EPHA6: variants seen among roughly 807,000 people sequenced by gnomAD.
EPHA6 encodes ephrin type-A receptor 6.
In EPHA6, 50 loss-of-function variants were observed where a neutral mutation model predicts 112.0. The ratio of observed to expected loss-of-function variants is 0.45; its 90% CI spans 0.36 to 0.56. The LOEUF is 0.56. Among genes scored for constraint, EPHA6 ranks in the 20% least tolerant of loss-of-function variants. The pLI, the probability that EPHA6 is intolerant of heterozygous loss-of-function variation, is 0.00. For missense variants in EPHA6, 1,280 were observed against 1,417.4 expected (o/e 0.90, Z 1.56); for synonymous variants, 529 against 490.7 (o/e 1.08, Z -1.03).
chr3:97,492,084 G>A (rs1560065488), intron 10 of EPHA6, among the ~76,000 whole-genome samples: 1 of 152,000 alleles, frequency 6.6e-6, no homozygotes, highest in East Asian at 1.9e-4. Context: ...TTTTTTTTAA[G>A]TGAATCATTA....
intron 3 of EPHA6, among the ~76,000 whole-genome samples, chr3:97,083,096 C>G (rs1004844965): frequency 6.6e-6 from 1 of 151,826 alleles, no homozygotes; most frequent in African/African-American, 2.4e-5. Flanking sequence ...GCTAATTTGC[C>G]GTAAGAATTA....
At chr3:97,291,585 G>C (rs970673665) in intron 5 of EPHA6, among the ~76,000 whole-genome samples, 3 of 152,074 alleles carry the variant, frequency 2.0e-5, no homozygotes, top group Non-Finnish European at 2.9e-5. Context: ...TATTTGAAAA[G>C]ATCTATCTTT....
intron 3 of EPHA6, among the ~76,000 whole-genome samples, chr3:97,148,788 A>C (rs192491052): frequency 1.3e-5 from 2 of 152,240 alleles, no homozygotes; most frequent in African/African-American, 4.8e-5. Context: ...TCACAGCAAA[A>C]TATGTTCTAG....
chr3:97,588,945 T>C (rs2093516929), intron 11 of EPHA6, among the ~76,000 whole-genome samples: 1 of 152,210 alleles, frequency 6.6e-6, no homozygotes, highest in Non-Finnish European at 1.5e-5. Context: ...TGCAAATGTT[T>C]AATGATCCTT....
At chr3:97,038,158 G>T (rs2045178771) in intron 3 of EPHA6, among the ~76,000 whole-genome samples, 1 of 151,868 alleles carries the variant, frequency 6.6e-6, no homozygotes, top group South Asian at 2.1e-4. Context: ...GTTATGCTAG[G>T]AACATTCAAA....
intron 1 of EPHA6, among the ~76,000 whole-genome samples, chr3:96,828,397 T>C (rs2033805525): frequency 6.6e-6 from 1 of 152,250 alleles, no homozygotes; most frequent in South Asian, 2.1e-4. Context: ...ACTACCTATG[T>C]GTCCACGATG....
chr3:97,686,046 C>G (rs761977965), intron 14 of EPHA6, among the ~76,000 whole-genome samples: 5 of 152,114 alleles, frequency 3.3e-5, no homozygotes, highest in African/African-American at 1.2e-4. Context: ...ATCTGTACAT[C>G]TTCTAGTTTA....
intron 3 of EPHA6, among the ~76,000 whole-genome samples, chr3:97,019,963 G>A (rs2044396312): frequency 6.6e-6 from 1 of 152,124 alleles, no homozygotes; most frequent in South Asian, 2.1e-4. Flanking sequence ...TAACTTTGAA[G>A]TTTTTTCCAC....
intron 5 of EPHA6, among the ~76,000 whole-genome samples, chr3:97,279,500 T>A (rs72924471): frequency 0.054 from 7,666 of 142,584 alleles, 612 homozygotes; most frequent in African/African-American, 0.17. Flanking sequence ...GAAATCTATT[T>A]AAAAAAAAAA....
intron 3 of EPHA6, among the ~76,000 whole-genome samples, chr3:97,047,237 A>G (rs1410527079): frequency 6.6e-6 from 1 of 152,124 alleles, no homozygotes; most frequent in Non-Finnish European, 1.5e-5. Flanking sequence ...ACAGTGGCTC[A>G]TGCCTGTAAT....
At chr3:97,217,247 A>G (rs1460171320) in intron 3 of EPHA6, among the ~76,000 whole-genome samples, 6 of 152,246 alleles carry the variant, frequency 3.9e-5, no homozygotes, top group Non-Finnish European at 7.4e-5. Flanking sequence ...CCAAAAGACA[A>G]CTCCAGAGAG....
Position 97,656,636 on chromosome 3 carries a change from T to G in EPHA6, c.2784+18554T>G, listed in dbSNP as rs567087788. Among the ~76,000 whole-genome samples the G allele has an allele frequency of 1.8e-3, 274 of 152,076 alleles. 3 individuals are homozygous for G. Among genetic ancestry groups the G allele is most frequent in the Non-Finnish European group, 2.9e-3 (194 of 67,910 alleles). ...ACCTGGCTATCCATTGATTGGTCTG[T>G]GCTAGCTACTTACTGATCAGGCTTA... On this transcript the variant is annotated intron_variant, in intron 14 of 17. Transcript: ENST00000389672.
chr3:97,170,021 T>C (rs1161939310), intron 3 of EPHA6, among the ~76,000 whole-genome samples: 1 of 151,958 alleles, frequency 6.6e-6, no homozygotes, highest in East Asian at 1.9e-4. Flanking sequence ...CATGTGGGGC[T>C]TACAACCTAG....
intron 12 of EPHA6, among the ~76,000 whole-genome samples, chr3:97,599,675 T>G (rs1207160563): frequency 6.6e-6 from 1 of 151,920 alleles, no homozygotes; most frequent in Non-Finnish European, 1.5e-5. Context: ...TGTAGCCTTG[T>G]AGTATAGTTT....
chr3:97,448,379 G>A (rs760332823), intron 6 of EPHA6, among the ~76,000 whole-genome samples, 189 bp from the exon 7 acceptor site: 2 of 152,062 alleles, frequency 1.3e-5, no homozygotes, highest in Non-Finnish European at 2.9e-5. Flanking sequence ...TTTCCAAATA[G>A]GACCATATCA....
chr3:97,335,890 T>C (rs2083033602), intron 5 of EPHA6, among the ~76,000 whole-genome samples: 1 of 151,862 alleles, frequency 6.6e-6, no homozygotes, highest in African/African-American at 2.4e-5. Context: ...GGGTCAGAGA[T>C]GAAATCATAG....
chr3:97,536,490 A>G (rs1370847205), intron 11 of EPHA6, among the ~76,000 whole-genome samples: 1 of 152,174 alleles, frequency 6.6e-6, no homozygotes, highest in Non-Finnish European at 1.5e-5. Context: ...AAATTCCCAA[A>G]CATAATTTCA....
chr3:96,849,282 A>G (rs1024230429), intron 1 of EPHA6, among the ~76,000 whole-genome samples: 2 of 152,154 alleles, frequency 1.3e-5, no homozygotes, highest in African/African-American at 2.4e-5. Context: ...AGTAATGTGG[A>G]TGATTCTGAC....
chr3:97,668,651 C>T (rs1015501236), intron 14 of EPHA6, among the ~76,000 whole-genome samples: 1 of 152,092 alleles, frequency 6.6e-6, no homozygotes, highest in African/African-American at 2.4e-5. Flanking sequence ...TTATGGCTAA[C>T]ACCTGTAATC....
Sources: allele counts gnomAD v4.1 joint callset (sites outside exome capture counted in the v4.1 genomes callset), GRCh38; gene constraint gnomAD v4.1.1; transcripts MANE v1.5; gene names NCBI Gene and HGNC (gene_info 2026-07-23, HGNC 2026-07-21).